The following AP1S3 variants were observed in gnomAD, a reference collection of about 807,000 sequenced individuals.
The protein encoded by AP1S3 is AP-1 complex subunit sigma-3.
AP1S3 carries 10 observed loss-of-function variants against 20.9 expected under a neutral mutation model. That is an observed-to-expected ratio of 0.48 (90% CI 0.29 to 0.81). The LOEUF is 0.81. Ranked by LOEUF, AP1S3 falls within the 30% of genes least tolerant of loss-of-function variation. The probability of loss-of-function intolerance (pLI) is 0.08; values close to 1 mark genes in which losing one functional copy is unlikely to be tolerated. For missense variants in AP1S3, 154 were observed against 183.8 expected (o/e 0.84, Z 0.94); for synonymous variants, 41 against 61.5 (o/e 0.67, Z 1.56).
Position 223,779,976 on chromosome 2 carries a change from A to AG in AP1S3, c.4-2108_4-2107insC, listed in dbSNP as rs1274964847. 2.0e-5 allele frequency among the ~76,000 whole-genome samples: 3 copies of AG among 152,056 alleles called. No individual in the cohort carries two copies. In the East Asian group the frequency reaches 5.8e-4, roughly 29 times the overall value. The stretch of plus-strand genomic sequence containing the variant: ...GAGCGAAACTCCGTCTCAAAAAAAA[A>AG]CAAAAAGATTCAACTCTATTGAAAA... On this transcript the variant is annotated intron_variant, in intron 1 of 4. Coordinates refer to ENST00000396654, the MANE Select transcript of AP1S3 (RefSeq NM_001039569.2).
At chr2:223,825,769 C>A (rs776608223) in intron 1 of AP1S3, among the ~76,000 whole-genome samples, 1 of 152,146 alleles carries the variant, frequency 6.6e-6, no homozygotes, top group African/African-American at 2.4e-5. Context: ...GTCATCCCAG[C>A]ACTTTGGGAG....
At chr2:223,766,373 T>C (rs1690479361) in intron 3 of AP1S3, among the ~76,000 whole-genome samples, 1 of 152,350 alleles carries the variant, frequency 6.6e-6, no homozygotes, top group South Asian at 2.1e-4. Flanking sequence ...TCCCATTCTG[T>C]TGGTTGCCTG....
intron 1 of AP1S3, among the ~76,000 whole-genome samples, chr2:223,815,258 A>G (rs13382611): frequency 0.32 from 48,990 of 152,122 alleles, 8,307 homozygotes; most frequent in Middle Eastern, 0.43. Flanking sequence ...CACAGTCATC[A>G]GTTCTCCTTG....
At chr2:223,809,316 T>C (rs920993608) in intron 1 of AP1S3, among the ~76,000 whole-genome samples, 1 of 152,092 alleles carries the variant, frequency 6.6e-6, no homozygotes, top group South Asian at 2.1e-4. Context: ...AGATATCTCA[T>C]GGGCCCCTCC....
intron 1 of AP1S3, among the ~76,000 whole-genome samples, chr2:223,794,262 G>A (rs1691282715): frequency 6.6e-6 from 1 of 151,898 alleles, no homozygotes; most frequent in African/African-American, 2.4e-5. Flanking sequence ...ATAGGGGTTA[G>A]AGAACACTAA....
At chr2:223,762,466 T>G (rs1397187356) in intron 4 of AP1S3, among the ~76,000 whole-genome samples, 1 of 152,040 alleles carries the variant, frequency 6.6e-6, no homozygotes, top group Non-Finnish European at 1.5e-5. Flanking sequence ...AGGGATGGGA[T>G]TTTGCCATGT....
At chr2:223,822,032 A>G (rs1265974986) in intron 1 of AP1S3, among the ~76,000 whole-genome samples, 1 of 152,142 alleles carries the variant, frequency 6.6e-6, no homozygotes, top group African/African-American at 2.4e-5. Flanking sequence ...CGTCCAGTCC[A>G]GCAATCCTTC....
At chr2:223,770,532 C>CACACACACACACACACACACA (rs60585278) in intron 3 of AP1S3, among the ~76,000 whole-genome samples, 3 of 89,942 alleles carry the variant, frequency 3.3e-5, no homozygotes, top group East Asian at 2.4e-4. Context: ...ACACACACAC[C>CACACACACACACACACACACA]CCTTGATATA....
At chr2:223,780,672 C>A (rs1035811426) in intron 1 of AP1S3, among the ~76,000 whole-genome samples, 6 of 151,980 alleles carry the variant, frequency 3.9e-5, no homozygotes, top group African/African-American at 1.5e-4. Flanking sequence ...CTCAAGCGAT[C>A]CTCCCACCTC....
At chr2:223,821,142 T>TTATC (rs1281439149) in intron 1 of AP1S3, among the ~76,000 whole-genome samples, 3 of 152,176 alleles carry the variant, frequency 2.0e-5, no homozygotes, top group Admixed American at 1.3e-4. Context: ...TTAACTTTAT[T>TTATC]TATCTATCTA....
chr2:223,771,177 CATACAAAA>C (rs1690615201), intron 3 of AP1S3, among the ~76,000 whole-genome samples: 2 of 151,450 alleles, frequency 1.3e-5, no homozygotes, highest in Non-Finnish European at 2.9e-5. Flanking sequence ...CTCTACTAAA[CATACAAAA>C]AATTAGCCAG....
chr2:223,800,086 A>G lies in AP1S3; in HGVS notation c.4-22217T>C, dbSNP rs2396030. Among the ~76,000 whole-genome samples the G allele has an allele frequency of 8.0e-3, 1,184 of 147,948 alleles. 13 individuals are homozygous for G. Among genetic ancestry groups the G allele is most frequent in the African/African-American group, 0.029 (1,141 of 39,840 alleles). ...GAAAATTAGCCAGGCATGGTGGCAC[A>G]CACCTCTAATCCCAGCTACTCGGGA... On this transcript the variant is annotated intron_variant, in intron 1 of 4. Coordinates refer to ENST00000396654, the MANE Select transcript of AP1S3 (RefSeq NM_001039569.2).
intron 1 of AP1S3, among the ~76,000 whole-genome samples, chr2:223,817,407 G>A (rs193224530): frequency 3.3e-5 from 5 of 152,088 alleles, no homozygotes; most frequent in Non-Finnish European, 5.9e-5. Context: ...TCGGGAGTTC[G>A]AGACAAGCCT....
In AP1S3 at chr2:223,757,950, G is replaced by A. The variant is rs141491057; in HGVS notation, c.*765C>T. On this transcript the variant is annotated 3_prime_UTR_variant, in exon 5 of 5. Coordinates refer to ENST00000396654, the MANE Select transcript of AP1S3 (RefSeq NM_001039569.2). ...TATCATACTATTTTAGAATAATAAAGGAAGTCATAGATGCTGTATCTCTAG... is the reference window on the plus strand; with the variant it reads ...TATCATACTATTTTAGAATAATAAAAGAAGTCATAGATGCTGTATCTCTAG... The A allele has an allele frequency of 8.3e-5, 80 of 965,640 alleles. No individual in the cohort carries two copies. The African/African-American group carries it at 1.2e-3, about 15-fold the overall frequency. 59.8% of individuals were successfully genotyped at this position (965,640 alleles called of 1,614,324 possible). A position where few individuals can be genotyped will look rare whatever the true frequency, so the allele number is the denominator to read the frequency against.
At position 223,824,551 on chromosome 2, in the gene AP1S3, T is replaced by G. The variant is rs377682243; in HGVS notation, c.3+12897A>C. 1.0e-4 allele frequency among the ~76,000 whole-genome samples: 4 copies of G among 39,008 alleles called. No individual in the cohort carries two copies. In the South Asian group the frequency reaches 2.8e-3, roughly 27 times the overall value. 25.6% of individuals were successfully genotyped at this position (39,008 alleles called of 152,430 possible). ...CTCCAAATGCAAAAGGCAGGTGGGG[T>G]TTTTTTTTGAGAATCTTGCTCTGTC... On this transcript the variant is annotated intron_variant, in intron 1 of 4. Transcript: ENST00000396654.
intron 1 of AP1S3, among the ~76,000 whole-genome samples, chr2:223,804,432 C>T (rs961747719): frequency 1.3e-5 from 2 of 152,116 alleles, no homozygotes; most frequent in African/African-American, 4.8e-5. Flanking sequence ...AGTATGGTGG[C>T]TCATGCCTGT....
intron 4 of AP1S3, among the ~76,000 whole-genome samples, chr2:223,759,577 A>C (rs549311804): frequency 1.3e-5 from 2 of 152,222 alleles, no homozygotes; most frequent in Non-Finnish European, 1.5e-5. Flanking sequence ...AGTTTCTGCC[A>C]TATGTTTTCA....
intron 3 of AP1S3, among the ~76,000 whole-genome samples, chr2:223,765,950 G>A (rs1296817331): frequency 1.3e-5 from 2 of 152,196 alleles, no homozygotes; most frequent in Non-Finnish European, 2.9e-5. Context: ...TGCTGAGGCC[G>A]CCGGACTGCG....
chr2:223,813,493 G>A (rs1012351957), intron 1 of AP1S3, among the ~76,000 whole-genome samples: 2 of 152,158 alleles, frequency 1.3e-5, no homozygotes, highest in Non-Finnish European at 2.9e-5. Flanking sequence ...TTTAAAATGT[G>A]GTAACTGAGG....
Sources: gnomAD v4.1 joint callset for allele counts (sites outside exome capture counted in the v4.1 genomes callset) on GRCh38, gnomAD v4.1.1 for gene constraint, MANE v1.5 for transcripts, NCBI Gene and HGNC (gene_info 2026-07-23, HGNC 2026-07-21) for gene names.